Variants in ATP2B2 observed in about 807,000 individuals in gnomAD.
The protein encoded by ATP2B2 is plasma membrane calcium-transporting ATPase 2.
Under a neutral mutation model 120.0 loss-of-function variants are expected in ATP2B2, and 15 were observed. The observed-to-expected ratio is 0.12, with a 90% CI of 0.08 to 0.19. The LOEUF (loss-of-function observed/expected upper bound fraction) is 0.19. Among genes scored for constraint, ATP2B2 ranks in the 10% least tolerant of loss-of-function variants. ATP2B2 has a pLI of 1.00. For missense variants in ATP2B2, 1,045 were observed against 1,719.8 expected (o/e 0.61, Z 6.94); for synonymous variants, 694 against 700.3 (o/e 0.99, Z 0.14).
At chr3:10,552,312 G>T (rs1021431073) in intron 2 of ATP2B2, among the ~76,000 whole-genome samples, 5 of 152,234 alleles carry the variant, frequency 3.3e-5, no homozygotes, top group African/African-American at 1.2e-4. Flanking sequence ...GGTGAGTGGG[G>T]CACAGAGGGA....
chr3:10,335,427 CTGCTGGGG>C (rs1423358614), intron 22 of ATP2B2, among the ~76,000 whole-genome samples: 20 of 151,102 alleles, frequency 1.3e-4, no homozygotes, highest in Admixed American at 1.2e-3. Flanking sequence ...AGACTCTGAA[CTGCTGGGG>C]TGCAGCGTCT....
chr3:10,338,372 T>G lies in ATP2B2; in HGVS notation c.3238-14A>C. 1.2e-6 allele frequency: 2 copies of G among 1,614,152 alleles called. No individual in the cohort carries two copies. The highest frequency in any genetic ancestry group is 1.7e-6 in the Non-Finnish European group (2 of 1,180,026). ...GGTGGCGATGACCTGCAAGGGACCC[T>G]GTCTGTCAGGACGGTGGGGCTGTCC... On this transcript the variant is annotated splice_polypyrimidine_tract_variant and intron_variant, in intron 21 of 22. Coordinates refer to ENST00000360273, the MANE Select transcript of ATP2B2 (RefSeq NM_001001331.4).
intron 22 of ATP2B2, among the ~76,000 whole-genome samples, 180 bp downstream of exon 22, chr3:10,337,996 T>C (rs762203291): frequency 6.6e-6 from 1 of 152,126 alleles, no homozygotes; most frequent in Non-Finnish European, 1.5e-5. Flanking sequence ...GGCCGTGCTG[T>C]TCCTTAGCAG....
intron 12 of ATP2B2, among the ~76,000 whole-genome samples, chr3:10,363,139 G>A (rs2060948204): frequency 6.6e-6 from 1 of 152,194 alleles, no homozygotes; most frequent in African/African-American, 2.4e-5. Flanking sequence ...ATCCGTGGTT[G>A]CAAATGGCAG....
At chr3:10,559,555 G>T (rs2067856093) in intron 2 of ATP2B2, among the ~76,000 whole-genome samples, 1 of 152,086 alleles carries the variant, frequency 6.6e-6, no homozygotes, top group Non-Finnish European at 1.5e-5. Context: ...TAGTGAATTA[G>T]ACAGGGAAGT....
In ATP2B2 at chr3:10,348,693, C is replaced by T. The variant is rs949755916; in HGVS notation, c.2404+1419G>A. On this transcript the variant is annotated intron_variant, in intron 16 of 22. Transcript: ENST00000360273. ...TCCATGGCCTGTGACCTAAAGCCTC[C>T]CTAGTCCAAGTTAGAGGCAGTGTTG... Among the ~76,000 whole-genome samples the T allele has an allele frequency of 3.3e-5, 5 of 152,240 alleles. 1 individual carries two copies. In the South Asian group the frequency reaches 6.2e-4, roughly 19 times the overall value.
Position 10,329,308 on chromosome 3 carries a change from C to A in ATP2B2, c.3421-183G>T, listed in dbSNP as rs532828875. On this transcript the variant is annotated intron_variant, in intron 22 of 22. Coordinates refer to ENST00000360273, the MANE Select transcript of ATP2B2 (RefSeq NM_001001331.4). The surrounding 1 kb of genome is among the most constrained non-coding windows in gnomAD (Gnocchi z 5.9). ...TGAAAAAGGGGGCTCAGGTTATAGG[C>A]ATCCTTGAGCTGGTTTTTAAAAATC... is the stretch of plus-strand genomic sequence containing the variant. Among the ~76,000 whole-genome samples the A allele has an allele frequency of 2.0e-5, 3 of 152,086 alleles. No individual in the cohort carries two copies. In the South Asian group the frequency reaches 6.2e-4, roughly 32 times the overall value.
intron 2 of ATP2B2, among the ~76,000 whole-genome samples, chr3:10,601,246 G>C (rs944105073): frequency 6.6e-6 from 1 of 152,168 alleles, no homozygotes; most frequent in Non-Finnish European, 1.5e-5. Context: ...CGTGAGCCAG[G>C]ACACTCCAGG....
At position 10,557,548 on chromosome 3, in the gene ATP2B2, C is replaced by T. The variant is rs796410515; in HGVS notation, c.-414-23415G>A. On this transcript the variant is annotated intron_variant, in intron 2 of 21. Coordinates refer to the ATP2B2 transcript ENST00000646379. ...GGAGTGAGACCCAGGAGCTGGGGTT[C>T]CTAGAGGAGCAGGCACTGGAGCTGG... Among the ~76,000 whole-genome samples, 19 of 152,234 alleles carry T rather than the reference C, an allele frequency of 1.2e-4. 1 individual carries two copies. Among genetic ancestry groups the T allele is most frequent in the African/African-American group, 4.3e-4 (18 of 41,532 alleles).
chr3:10,560,385 A>G (rs2067875846), intron 2 of ATP2B2, among the ~76,000 whole-genome samples: 1 of 152,122 alleles, frequency 6.6e-6, no homozygotes, highest in Non-Finnish European at 1.5e-5. Context: ...TACCTCACTG[A>G]GGCTCTCACT....
At chr3:10,509,808 T>G (rs938019761), upstream of ATP2B2, among the ~76,000 whole-genome samples, 10 of 152,040 alleles carry the variant, frequency 6.6e-5, no homozygotes, top group Admixed American at 5.2e-4. Flanking sequence ...AGATCTCGAG[T>G]GGAGGCTTTG....
intron 2 of ATP2B2, among the ~76,000 whole-genome samples, chr3:10,541,540 G>A (rs1191710881): frequency 6.6e-6 from 1 of 152,082 alleles, no homozygotes; most frequent in African/African-American, 2.4e-5. Context: ...ATTTAGATAT[G>A]CATTATTTAG....
intron 3 of ATP2B2, among the ~76,000 whole-genome samples, chr3:10,527,726 G>A (rs1032847994): frequency 7.9e-5 from 12 of 152,180 alleles, no homozygotes; most frequent in Non-Finnish European, 1.5e-4. Context: ...GGAGTGCCTC[G>A]CGAACCCAGC....
chr3:10,515,438 C>T (rs1210104284), intron 3 of ATP2B2, among the ~76,000 whole-genome samples: 1 of 152,200 alleles, frequency 6.6e-6, no homozygotes, highest in African/African-American at 2.4e-5. Flanking sequence ...TTAAGAGGGT[C>T]ATTTCCTGCT....
At chr3:10,511,149 C>A (rs996123601) in intron 3 of ATP2B2, among the ~76,000 whole-genome samples, 1 of 152,112 alleles carries the variant, frequency 6.6e-6, no homozygotes, top group Non-Finnish European at 1.5e-5. Context: ...CATGTGCCAC[C>A]CCCTCTGCCA....
intron 2 of ATP2B2, among the ~76,000 whole-genome samples, chr3:10,599,535 C>G (rs866509285): frequency 6.6e-6 from 1 of 152,236 alleles, no homozygotes; most frequent in Middle Eastern, 3.4e-3. Context: ...AGCTTCATTT[C>G]TGTACCCTCA....
At position 10,342,474 on chromosome 3, in the gene ATP2B2, G is replaced by A. The variant is rs551701179; in HGVS notation, c.2917+278C>T. ...GCTGCCATGCAGTGCTTCAGCACCC[G>A]GTCAGGGCCTTGCACGGTCTGTACT... On this transcript the variant is annotated intron_variant, in intron 19 of 22. Coordinates refer to ENST00000360273, the MANE Select transcript of ATP2B2 (RefSeq NM_001001331.4). This position sits in a 1 kb window ranked among gnomAD's most constrained non-coding sequence, Gnocchi z 4.4. 3.3e-5 allele frequency among the ~76,000 whole-genome samples: 5 copies of A among 152,300 alleles called. No individual in the cohort carries two copies. Among genetic ancestry groups the A allele is most frequent in the East Asian group, 1.9e-4 (1 of 5,172 alleles).
At chr3:10,706,077 C>T (rs113677990) in intron 1 of ATP2B2, among the ~76,000 whole-genome samples, 31 of 152,296 alleles carry the variant, frequency 2.0e-4, no homozygotes, top group African/African-American at 7.5e-4. Flanking sequence ...TTAGTAAGTG[C>T]TTGCACCTGG....
At chr3:10,421,176 C>T (rs890253052) in intron 2 of ATP2B2, among the ~76,000 whole-genome samples, 4 of 152,186 alleles carry the variant, frequency 2.6e-5, no homozygotes, top group African/African-American at 7.2e-5. Flanking sequence ...AGGAGGAAGC[C>T]TAATACTTGC....
Sources: gnomAD v4.1 joint callset for allele counts (sites outside exome capture counted in the v4.1 genomes callset) on GRCh38, gnomAD v4.1.1 for gene constraint, Gnocchi (gnomAD v3.1) non-coding constraint, MANE v1.5 for transcripts, NCBI Gene and HGNC (gene_info 2026-07-23, HGNC 2026-07-21) for gene names.